The following UBE3D variants were observed in gnomAD, a reference collection of about 807,000 sequenced individuals.
UBE3D encodes ubiquitin protein ligase E3D.
In UBE3D, 48 loss-of-function variants were observed where a neutral mutation model predicts 49.6. The ratio of observed to expected loss-of-function variants is 0.97; its 90% CI spans 0.77 to 1.23. The LOEUF is 1.23. UBE3D is among the 50% of genes most tolerant of loss of function. The probability of loss-of-function intolerance (pLI) is 0.00; values close to 1 mark genes in which losing one functional copy is unlikely to be tolerated. For missense variants in UBE3D, 452 were observed against 468.4 expected, an observed-to-expected ratio of 0.96 and a Z score of 0.32; for synonymous variants, 189 against 174.2, an observed-to-expected ratio of 1.08 and a Z score of -0.67.
chr6:82,931,123 G>A (rs1322760408), intron 9 of UBE3D, among the ~76,000 whole-genome samples: 1 of 152,226 alleles, frequency 6.6e-6, no homozygotes, highest in African/African-American at 2.4e-5. Context: ...TTCAGAGGGT[G>A]CAAGCCCCAA....
At chr6:82,912,354 G>A (rs1054429932) in intron 9 of UBE3D, among the ~76,000 whole-genome samples, 3 of 151,738 alleles carry the variant, frequency 2.0e-5, no homozygotes, top group Admixed American at 6.6e-5. Context: ...CACACTGAAG[G>A]CCAATTTTAC....
chr6:82,984,168 T>C (rs1778304497), intron 8 of UBE3D, among the ~76,000 whole-genome samples: 1 of 152,206 alleles, frequency 6.6e-6, no homozygotes, highest in Non-Finnish European at 1.5e-5. Flanking sequence ...ATTCTTATCA[T>C]TCTTCAATAA....
chr6:83,047,718 C>A (rs891138915), intron 3 of UBE3D, among the ~76,000 whole-genome samples: 1 of 152,036 alleles, frequency 6.6e-6, no homozygotes, highest in East Asian at 1.9e-4. Flanking sequence ...TTAATGCTCG[C>A]AACAACTTTG....
chr6:83,050,697 G>A (rs572935562), intron 3 of UBE3D, among the ~76,000 whole-genome samples: 3 of 152,296 alleles, frequency 2.0e-5, no homozygotes, highest in Middle Eastern at 6.8e-3. Flanking sequence ...AGAACACTGG[G>A]TTTGACATTA....
intron 9 of UBE3D, among the ~76,000 whole-genome samples, chr6:82,920,572 C>T (rs1369005742): frequency 6.6e-6 from 1 of 152,126 alleles, no homozygotes; most frequent in African/African-American, 2.4e-5. Flanking sequence ...GTGATATGAA[C>T]CTCTCCAAAG....
At chr6:82,984,223 A>G (rs1778309053) in intron 8 of UBE3D, among the ~76,000 whole-genome samples, 1 of 152,200 alleles carries the variant, frequency 6.6e-6, no homozygotes, top group South Asian at 2.1e-4. Flanking sequence ...AGTAGTATAT[A>G]CTGATATTCA....
rs535959052 is a variant in UBE3D at position 82,956,810 on chromosome 6, T to C, written c.1149+502A>G. ...ACAATTACGTAGTCAATTCTGAGCA[T>C]CTGTTTGTTCATTTATTTAAAAAGA... On this transcript the variant is annotated intron_variant, in intron 9 of 9. Transcript: ENST00000369747. Among the ~76,000 whole-genome samples the C allele has an allele frequency of 1.1e-4, 16 of 152,290 alleles. 1 individual carries two copies. Among genetic ancestry groups the C allele is most frequent in the African/African-American group, 3.8e-4 (16 of 41,568 alleles).
intron 1 of UBE3D, among the ~76,000 whole-genome samples, chr6:83,059,054 T>C (rs1484410453): frequency 1.3e-5 from 2 of 152,192 alleles, no homozygotes; most frequent in African/African-American, 4.8e-5. Context: ...GAATACATAT[T>C]ATACTTTTTA....
chr6:83,012,824 C>T (rs1355308871), intron 8 of UBE3D, among the ~76,000 whole-genome samples: 1 of 152,182 alleles, frequency 6.6e-6, no homozygotes, highest in Admixed American at 6.6e-5. Context: ...CAAGTTCTGC[C>T]CACTGGGAAA....
chr6:82,880,985 T>C, the UBE3D span, among the ~76,000 whole-genome samples: 1 of 152,130 alleles, frequency 6.6e-6, no homozygotes, highest in African/African-American at 2.4e-5. Flanking sequence ...ATAAGGTCTC[T>C]TATCTCATTC....
At chr6:82,907,490 A>G (rs57584971) in intron 9 of UBE3D, among the ~76,000 whole-genome samples, 1,910 of 152,262 alleles carry the variant, frequency 0.013, 51 homozygotes, top group African/African-American at 0.044. Context: ...AACTCAAACC[A>G]ATTACGGGTA....
Position 83,051,371 on chromosome 6 carries a change from T to C in UBE3D, c.365+2777A>G, listed in dbSNP as rs551043932. On this transcript the variant is annotated intron_variant, in intron 3 of 9. Coordinates refer to ENST00000369747, the MANE Select transcript of UBE3D (RefSeq NM_198920.3). Reference sequence around the variant, plus strand: ...TCAGTTCCATGACTGTAAAAGGGACTGACACAGAAGATACAGTTCCTGAAC... The same window carrying C: ...TCAGTTCCATGACTGTAAAAGGGACCGACACAGAAGATACAGTTCCTGAAC... 3.3e-5 allele frequency among the ~76,000 whole-genome samples: 5 copies of C among 152,296 alleles called. No individual in the cohort carries two copies. In the South Asian group the frequency reaches 1.0e-3, roughly 32 times the overall value.
At chr6:83,051,940 T>C (rs942138806) in intron 3 of UBE3D, among the ~76,000 whole-genome samples, 3 of 152,124 alleles carry the variant, frequency 2.0e-5, no homozygotes, top group Non-Finnish European at 4.4e-5. Context: ...AAAACAAACA[T>C]GTCAACGTTT....
chr6:82,887,060 T>C, the UBE3D span, among the ~76,000 whole-genome samples: 1 of 152,112 alleles, frequency 6.6e-6, no homozygotes, highest in Non-Finnish European at 1.5e-5. Context: ...TCTCAGCACT[T>C]TGGGAGGCTA....
intron 8 of UBE3D, among the ~76,000 whole-genome samples, chr6:82,975,627 A>C (rs1777661163): frequency 6.6e-6 from 1 of 152,192 alleles, no homozygotes; most frequent in Non-Finnish European, 1.5e-5. Flanking sequence ...TGAATGCTTT[A>C]AAATATGGAT....
At chr6:82,974,339 A>AG (rs1562139911) in intron 8 of UBE3D, among the ~76,000 whole-genome samples, 1 of 152,104 alleles carries the variant, frequency 6.6e-6, no homozygotes, top group African/African-American at 2.4e-5. Flanking sequence ...ACGTATCCAT[A>AG]GGGGATTGGT....
intron 8 of UBE3D, among the ~76,000 whole-genome samples, chr6:82,981,210 C>G (rs1778098317): frequency 6.6e-6 from 1 of 152,074 alleles, no homozygotes; most frequent in Non-Finnish European, 1.5e-5. Flanking sequence ...TGTTTTCTAT[C>G]ACACCTTTGA....
intron 5 of UBE3D, among the ~76,000 whole-genome samples, chr6:83,026,377 G>A (rs1335540712): frequency 6.6e-6 from 1 of 152,130 alleles, no homozygotes; most frequent in Non-Finnish European, 1.5e-5. Context: ...TTTGAGCCCA[G>A]AAGTCTGAGG....
At chr6:82,955,853 C>T (rs1776120674) in intron 9 of UBE3D, among the ~76,000 whole-genome samples, 1 of 152,152 alleles carries the variant, frequency 6.6e-6, no homozygotes, top group African/African-American at 2.4e-5. Flanking sequence ...TCCATTGCTC[C>T]AGATCTCAAT....
Sources: allele counts gnomAD v4.1 joint callset (sites outside exome capture counted in the v4.1 genomes callset), GRCh38; gene constraint gnomAD v4.1.1; transcripts MANE v1.5; gene names NCBI Gene and HGNC (gene_info 2026-07-23, HGNC 2026-07-21).